Variants in DYM observed in about 807,000 individuals in gnomAD.
The protein encoded by DYM is dymeclin.
In DYM, 78 loss-of-function variants were observed where a neutral mutation model predicts 93.1. The observed-to-expected ratio is 0.84, with a 90% CI of 0.70 to 1.01. The LOEUF (loss-of-function observed/expected upper bound fraction) is 1.01, where lower values mean the gene tolerates loss of function less well. Ranked by LOEUF, DYM falls within the 50% of genes least tolerant of loss-of-function variation. DYM has a pLI of 0.00. For missense variants in DYM, 789 were observed against 845.0 expected, an observed-to-expected ratio of 0.93 and a Z score of 0.82; for synonymous variants, 321 against 319.7, an observed-to-expected ratio of 1.00 and a Z score of -0.04.
At chr18:49,355,475 T>A (rs2147234319) in intron 6 of DYM, among the ~76,000 whole-genome samples, 1 of 152,240 alleles carries the variant, frequency 6.6e-6, no homozygotes, top group Middle Eastern at 3.4e-3. Context: ...ATAGATATAT[T>A]GATCAATATG....
chr18:49,188,657 G>A (rs1181362051), intron 14 of DYM, among the ~76,000 whole-genome samples: 1 of 152,244 alleles, frequency 6.6e-6, no homozygotes, highest in East Asian at 1.9e-4. Flanking sequence ...CATGGACACA[G>A]GAAGGGGAAC....
chr18:49,037,522 C>T lies in DYM; in HGVS notation c.*6533G>A, dbSNP rs2070749695. 1.3e-5 allele frequency among the ~76,000 whole-genome samples: 2 copies of T among 152,230 alleles called. No homozygotes were observed. Among genetic ancestry groups the T allele is most frequent in the East Asian group, 1.9e-4 (1 of 5,186 alleles). ...TGACAGGATCATTAGGAGCCCAAAC[C>T]TCAGCATCATCAATATATTCTTGTA... is the stretch of plus-strand genomic sequence containing the variant. On this transcript the variant is annotated 3_prime_UTR_variant, in exon 18 of 18. Transcript: ENST00000675505.
chr18:49,046,424 C>T (rs1378353613), intron 17 of DYM, among the ~76,000 whole-genome samples: 4 of 149,540 alleles, frequency 2.7e-5, no homozygotes, highest in Non-Finnish European at 4.5e-5. Context: ...CATACACACA[C>T]AATACATACA....
intron 16 of DYM, chr18:49,114,690 T>TGTGTG: frequency 4.2e-6 from 2 of 473,336 alleles, no homozygotes; most frequent in Non-Finnish European, 5.5e-6. Flanking sequence ...TGTGTGTGTG[T>TGTGTG]TTAAGAGATG....
intron 8 of DYM, among the ~76,000 whole-genome samples, chr18:49,325,808 C>T (rs920248196): frequency 3.3e-5 from 5 of 152,178 alleles, no homozygotes; most frequent in African/African-American, 1.2e-4. Flanking sequence ...GTACTGCACT[C>T]ATTGTCAGAT....
intron 13 of DYM, among the ~76,000 whole-genome samples, chr18:49,211,642 G>A (rs1317964397): frequency 1.3e-5 from 2 of 152,152 alleles, no homozygotes; most frequent in Non-Finnish European, 2.9e-5. Context: ...CAGTCAAGCA[G>A]TAACTACTAT....
intron 8 of DYM, among the ~76,000 whole-genome samples, chr18:49,310,615 A>G (rs2061534050): frequency 6.6e-6 from 1 of 152,220 alleles, no homozygotes; most frequent in Admixed American, 6.5e-5. Context: ...AGTTTTCTTT[A>G]CAGTTCTCTA....
chr18:49,146,952 A>C (rs1193301557), intron 15 of DYM, among the ~76,000 whole-genome samples: 4 of 152,218 alleles, frequency 2.6e-5, no homozygotes, highest in Admixed American at 2.6e-4. Context: ...ACTACACTAC[A>C]AGGCTACAGT....
At chr18:49,317,674 T>TC (rs2062108511) in intron 8 of DYM, among the ~76,000 whole-genome samples, 1 of 125,382 alleles carries the variant, frequency 8.0e-6, no homozygotes, top group African/African-American at 3.0e-5. Flanking sequence ...CCTTCCTTCC[T>TC]TCCTTCCTTC....
chr18:49,447,887 C>T (rs1179951691), intron 1 of DYM, among the ~76,000 whole-genome samples: 1 of 152,146 alleles, frequency 6.6e-6, no homozygotes, highest in African/African-American at 2.4e-5. Context: ...AAGAACAGGG[C>T]TCCCTGACCC....
At chr18:49,384,153 T>C (rs534005208) in intron 3 of DYM, among the ~76,000 whole-genome samples, 2 of 151,022 alleles carry the variant, frequency 1.3e-5, no homozygotes, top group African/African-American at 2.4e-5. Flanking sequence ...CAAAACCCCA[T>C]CTCTACACAA....
intron 13 of DYM, among the ~76,000 whole-genome samples, chr18:49,221,082 A>G (rs1198380840): frequency 6.6e-6 from 1 of 152,238 alleles, no homozygotes; most frequent in South Asian, 2.1e-4. Context: ...AACCCCATCA[A>G]AAAGTGGGTG....
chr18:49,185,477 T>C (rs952191308), intron 14 of DYM, among the ~76,000 whole-genome samples: 3 of 152,184 alleles, frequency 2.0e-5, no homozygotes, highest in African/African-American at 7.2e-5. Context: ...CTTCATAATA[T>C]TAAAGCTGGA....
chr18:49,306,979 ACT>A (rs1000274798), intron 8 of DYM, among the ~76,000 whole-genome samples: 1 of 151,776 alleles, frequency 6.6e-6, no homozygotes, highest in African/African-American at 2.4e-5. Flanking sequence ...CTCTCACCCC[ACT>A]CTCATCTGCT....
intron 5 of DYM, among the ~76,000 whole-genome samples, chr18:49,374,785 C>T (rs993096820): frequency 2.0e-5 from 3 of 152,108 alleles, no homozygotes; most frequent in African/African-American, 7.2e-5. Flanking sequence ...ATGGTGAAAC[C>T]CCTGTCTCTA....
intron 14 of DYM, among the ~76,000 whole-genome samples, chr18:49,172,934 ATATTT>A (rs925340635): frequency 7.2e-5 from 11 of 151,852 alleles, no homozygotes; most frequent in African/African-American, 2.7e-4. Flanking sequence ...TTTAGTTCTT[ATATTT>A]ATGTCTATGA....
intron 2 of DYM, among the ~76,000 whole-genome samples, chr18:49,422,884 C>A (rs2073876580): frequency 6.6e-6 from 1 of 152,136 alleles, no homozygotes; most frequent in Non-Finnish European, 1.5e-5. Flanking sequence ...CAGGAGCACC[C>A]AGATTCATAA....
intron 11 of DYM, among the ~76,000 whole-genome samples, chr18:49,270,529 G>A (rs2094668854): frequency 1.3e-5 from 2 of 152,112 alleles, no homozygotes; most frequent in African/African-American, 4.8e-5. Flanking sequence ...TAATGATACT[G>A]TATTGTATTC....
At chr18:49,061,903 G>A (rs1456139464) in intron 17 of DYM, among the ~76,000 whole-genome samples, 5 of 152,230 alleles carry the variant, frequency 3.3e-5, no homozygotes, top group African/African-American at 1.2e-4. Flanking sequence ...AAACAAAAGA[G>A]CACACAAATA....
Sources: allele counts gnomAD v4.1 joint callset (sites outside exome capture counted in the v4.1 genomes callset), GRCh38; gene constraint gnomAD v4.1.1; transcripts MANE v1.5; gene names NCBI Gene and HGNC (gene_info 2026-07-23, HGNC 2026-07-21).